Variants in JAK1 observed in about 807,000 individuals in gnomAD.
JAK1 encodes tyrosine-protein kinase JAK1.
Under a neutral mutation model 136.6 loss-of-function variants are expected in JAK1, and 16 were observed. The observed-to-expected ratio is 0.12, with a 90% confidence interval of 0.08 to 0.18. JAK1 has a LOEUF of 0.18. Among genes scored for constraint, JAK1 ranks in the 10% least tolerant of loss-of-function variants. The pLI, the probability that JAK1 is intolerant of heterozygous loss-of-function variation, is 1.00. For synonymous variants in JAK1, 492 were observed against 519.5 expected, an observed-to-expected ratio of 0.95 and a Z score of 0.72; for missense variants, 859 against 1,450.1, an observed-to-expected ratio of 0.59 and a Z score of 6.62.
intron 1 of JAK1, among the ~76,000 whole-genome samples, chr1:64,915,017 A>G (rs1645368899): frequency 6.6e-6 from 1 of 152,142 alleles, no homozygotes; most frequent in South Asian, 2.1e-4. Flanking sequence ...TTCAAATCCC[A>G]CTTACTAGCT....
intron 3 of JAK1, among the ~76,000 whole-genome samples, chr1:64,879,941 G>A (rs1411243462): frequency 6.6e-6 from 1 of 152,160 alleles, no homozygotes; most frequent in Non-Finnish European, 1.5e-5. Flanking sequence ...AACATAGGCA[G>A]GTTGGGGGGA....
chr1:65,063,156 C>G (rs1055400205), intron 1 of JAK1, among the ~76,000 whole-genome samples: 1 of 152,010 alleles, frequency 6.6e-6, no homozygotes, highest in Non-Finnish European at 1.5e-5. Flanking sequence ...GGGAGGGGGA[C>G]AGAAAGTAGA....
chr1:65,028,853 G>A (rs528682872), intron 2 of JAK1, among the ~76,000 whole-genome samples: 1 of 152,148 alleles, frequency 6.6e-6, no homozygotes, highest in African/African-American at 2.4e-5. Context: ...ACACACAACT[G>A]GAAGTATGGA....
intron 12 of JAK1, among the ~76,000 whole-genome samples, chr1:64,848,837 C>A (rs1557630979): frequency 6.6e-6 from 1 of 152,114 alleles, no homozygotes; most frequent in Non-Finnish European, 1.5e-5. Flanking sequence ...GGAACATACA[C>A]CATTGTTAAT....
At chr1:64,917,574 G>T (rs1216415418) in intron 1 of JAK1, among the ~76,000 whole-genome samples, 1 of 152,144 alleles carries the variant, frequency 6.6e-6, no homozygotes, top group African/African-American at 2.4e-5. Flanking sequence ...GATCCCCGTA[G>T]ACTGCATTGA....
chr1:65,009,116 G>C (rs1335663563), intron 2 of JAK1, among the ~76,000 whole-genome samples: 1 of 152,128 alleles, frequency 6.6e-6, no homozygotes, highest in Non-Finnish European at 1.5e-5. Context: ...TCCACCGACA[G>C]AAGAATGGTT....
intron 2 of JAK1, among the ~76,000 whole-genome samples, chr1:65,007,754 T>C (rs1187421550): frequency 2.7e-5 from 4 of 150,852 alleles, no homozygotes; most frequent in African/African-American, 4.9e-5. Flanking sequence ...TGTTTTTTTT[T>C]TTTCTTTCTG....
chr1:64,886,690 A>ACC (rs1357358399), intron 1 of JAK1, among the ~76,000 whole-genome samples: 1 of 151,800 alleles, frequency 6.6e-6, no homozygotes, highest in African/African-American at 2.4e-5. Flanking sequence ...AGTTTAAGAC[A>ACC]CCCAAAAACG....
intron 2 of JAK1, among the ~76,000 whole-genome samples, chr1:64,988,966 G>GTA (rs1193664929): frequency 7.1e-5 from 9 of 126,332 alleles, no homozygotes; most frequent in South Asian, 4.8e-4. Context: ...ATGTATGTAT[G>GTA]TATATATATA....
intron 2 of JAK1, among the ~76,000 whole-genome samples, chr1:65,018,907 A>T (rs575785279): frequency 6.6e-6 from 1 of 152,160 alleles, no homozygotes; most frequent in Non-Finnish European, 1.5e-5. Context: ...GCTACTCGGG[A>T]GGCTGAGGCA....
intron 2 of JAK1, among the ~76,000 whole-genome samples, chr1:65,036,801 G>C (rs956678773): frequency 6.6e-6 from 1 of 152,168 alleles, no homozygotes; most frequent in African/African-American, 2.4e-5. Context: ...CCATTCAATG[G>C]ACTATTATGT....
At chr1:65,000,559 T>C (rs1225596299) in intron 2 of JAK1, among the ~76,000 whole-genome samples, 1 of 152,044 alleles carries the variant, frequency 6.6e-6, no homozygotes, top group Admixed American at 6.6e-5. Flanking sequence ...ATAGCAATAC[T>C]TCCGGACACA....
At chr1:65,067,006 G>T (rs1279234687) in intron 1 of JAK1, among the ~76,000 whole-genome samples, 1 of 152,134 alleles carries the variant, frequency 6.6e-6, no homozygotes, top group Non-Finnish European at 1.5e-5. Context: ...ACCCCAGCGA[G>T]GGCCGCGCAA....
chr1:64,843,587 G>A (rs992207749), intron 17 of JAK1, among the ~76,000 whole-genome samples: 3 of 152,078 alleles, frequency 2.0e-5, no homozygotes, highest in South Asian at 2.1e-4. Flanking sequence ...AATTCTTACC[G>A]TTGTTATTTT....
intron 1 of JAK1, among the ~76,000 whole-genome samples, chr1:64,918,856 C>T (rs959198264): frequency 6.6e-6 from 1 of 152,126 alleles, no homozygotes; most frequent in Non-Finnish European, 1.5e-5. Context: ...AAATCAATTA[C>T]CTTATCCTCT....
At chr1:64,921,506 T>C (rs998960427) in intron 1 of JAK1, among the ~76,000 whole-genome samples, 1 of 151,952 alleles carries the variant, frequency 6.6e-6, no homozygotes, top group Non-Finnish European at 1.5e-5. Context: ...CTAGAGTATA[T>C]AGTAGGTCAC....
At chr1:64,978,183 CAGG>C (rs1646513567) in intron 2 of JAK1, among the ~76,000 whole-genome samples, 1 of 152,060 alleles carries the variant, frequency 6.6e-6, no homozygotes, top group African/African-American at 2.4e-5. Flanking sequence ...GAGGCTGAGG[CAGG>C]AGAATTGCTT....
chr1:64,860,419 CATTTATTTATTTATTTATTTATTTATTT>C (rs3051564), intron 8 of JAK1, among the ~76,000 whole-genome samples, 157 bp from the exon 9 acceptor site: 2 of 73,914 alleles, frequency 2.7e-5, no homozygotes, highest in Non-Finnish European at 4.5e-5. Flanking sequence ...CCCTTGCATG[CATTTATTTATTTATTTATTTATTTATTT>C]ATTTATTTAT....
intron 1 of JAK1, among the ~76,000 whole-genome samples, chr1:65,059,053 G>A (rs1647675648): frequency 6.6e-6 from 1 of 150,742 alleles, no homozygotes; most frequent in South Asian, 2.1e-4. Context: ...GTTTTCACAA[G>A]ACGCTATGGG....
Sources: allele counts gnomAD v4.1 joint callset (sites outside exome capture counted in the v4.1 genomes callset), GRCh38; gene constraint gnomAD v4.1.1; transcripts MANE v1.5; gene names NCBI Gene and HGNC (gene_info 2026-07-23, HGNC 2026-07-21).